The following FBN2 variants were observed in gnomAD, a reference collection of about 807,000 sequenced individuals.
FBN2 encodes fibrillin-2.
A neutral mutation model predicts 355.6 loss-of-function variants in FBN2; 105 were observed. The observed-to-expected ratio is 0.30, with a 90% CI of 0.25 to 0.35. FBN2 has a LOEUF of 0.35. FBN2 is among the 10% of genes least tolerant of loss of function. The probability of loss-of-function intolerance (pLI) is 1.00; values close to 1 mark genes in which losing one functional copy is unlikely to be tolerated. For missense variants in FBN2, 3,280 were observed against 3,758.7 expected (o/e 0.87, Z 3.33); for synonymous variants, 1,350 against 1,301.2 (o/e 1.04, Z -0.81).
At chr5:128,322,930 G>A (rs1342799240) in intron 34 of FBN2, among the ~76,000 whole-genome samples, 15 of 152,100 alleles carry the variant, frequency 9.9e-5, no homozygotes, top group East Asian at 5.8e-4. Context: ...ATTTGTTTGC[G>A]TCCTCTCTTA....
In FBN2 at chr5:128,374,657, G is replaced by T. The variant is rs781745158; in HGVS notation, c.2066C>A (p.Ala689Asp). Residue 689 changes from alanine (A) to aspartate (D), a missense_variant, in exon 15 of 65, where the codon GCT (alanine) becomes GAT (aspartate). By Grantham distance (126) the Ala-to-Asp change is moderately radical (BLOSUM62 -2). Coordinates refer to ENST00000262464, the MANE Select transcript of FBN2 (RefSeq NM_001999.4). ...SFRCDCPPGL[A>D]VGMDGRVCVD... ...ACACACACGTCCATCCATGCCCACA[G>T]CCAGGCCTGGGGGACAGTCACAGCG... The T allele has an allele frequency of 1.9e-6, 3 of 1,613,962 alleles. No individual in the cohort carries two copies. Among genetic ancestry groups the T allele is most frequent in the Non-Finnish European group, 2.5e-6 (3 of 1,179,908 alleles).
At chr5:128,514,198 G>C (rs1475373021) in intron 5 of FBN2, among the ~76,000 whole-genome samples, 1 of 152,106 alleles carries the variant, frequency 6.6e-6, no homozygotes, top group East Asian at 1.9e-4. Flanking sequence ...TAGGGTAATT[G>C]GTCATGAATT....
chr5:128,273,256 A>G (rs1765309236), intron 61 of FBN2, among the ~76,000 whole-genome samples: 1 of 152,232 alleles, frequency 6.6e-6, no homozygotes. Context: ...AAATTTTCTT[A>G]ACTGCAAGCA....
chr5:128,474,778 T>C (rs562822323), intron 5 of FBN2, among the ~76,000 whole-genome samples: 8 of 152,336 alleles, frequency 5.3e-5, no homozygotes, highest in Non-Finnish European at 8.8e-5. Context: ...CTCTCTATGA[T>C]TCTGTCCTGG....
rs1303630655 is a variant in FBN2 at position 128,464,736 on chromosome 5, C to T, written c.814G>A (p.Gly272Arg). ...RRGFIPNIRTGACQDVDECQA... is the reference protein window; with the variant it reads ...RRGFIPNIRTRACQDVDECQA... ...ACAGCTGACTCACCTTGGCAAGCTC[C>T]AGTGCGGATGTTGGGGATGAAACCC... The change falls in exon 6 of 65, where the codon GGA becomes AGA. Residue 272 changes from glycine (G) to arginine (R), a missense_variant. Transcript: ENST00000262464. 6.2e-7 allele frequency: 1 copy of T among 1,613,526 alleles called. No individual in the cohort carries two copies. The highest frequency in any genetic ancestry group is 2.2e-5 in the East Asian group (1 of 44,880).
chr5:128,364,996 G>C, intron 17 of FBN2, among the ~76,000 whole-genome samples: 1 of 152,138 alleles, frequency 6.6e-6, no homozygotes, highest in East Asian at 1.9e-4. Flanking sequence ...CAGCATTTAT[G>C]ATGACATTAA....
At position 128,341,480 on chromosome 5, in the gene FBN2, C is replaced by T. The variant is rs145041885; in HGVS notation, c.3344-2419G>A. ...GAAAGAAGGACTTACTCCCCCTCCC[C>T]GTCAGCTATTGGTAGTGTCGCTGGC... On this transcript the variant is annotated intron_variant, in intron 25 of 64. Transcript: ENST00000262464. Among the ~76,000 whole-genome samples the T allele has an allele frequency of 1.6e-3, 239 of 152,288 alleles. 1 individual carries two copies. Among genetic ancestry groups the T allele is most frequent in the Middle Eastern group, 6.8e-3 (2 of 294 alleles).
At position 128,284,116 on chromosome 5, in the gene FBN2, T is replaced by G. The variant is rs139357132; in HGVS notation, c.7012+2602A>C. Among the ~76,000 whole-genome samples the G allele has an allele frequency of 4.0e-3, 610 of 152,310 alleles. 5 individuals are homozygous for G. Among genetic ancestry groups the G allele is most frequent in the African/African-American group, 0.014 (581 of 41,566 alleles). ...CCATTACCTATAAGGCAGCCAGATA[T>G]CTTTAAAAATGTGTAAAATAGGAAA... On this transcript the variant is annotated intron_variant, in intron 55 of 64. Coordinates refer to ENST00000262464, the MANE Select transcript of FBN2 (RefSeq NM_001999.4).
At chr5:128,510,998 T>C (rs540028130) in intron 5 of FBN2, among the ~76,000 whole-genome samples, 2 of 152,220 alleles carry the variant, frequency 1.3e-5, no homozygotes, top group African/African-American at 2.4e-5. Flanking sequence ...TTCATGGTGT[T>C]ATGTTAAAAA....
intron 62 of FBN2, 145 bp downstream of exon 62, chr5:128,271,854 T>C (rs1020722335): frequency 3.3e-6 from 3 of 909,418 alleles, no homozygotes; most frequent in Non-Finnish European, 3.6e-6. Context: ...GCAGAATGAG[T>C]CCCCATGCAT....
intron 11 of FBN2, among the ~76,000 whole-genome samples, chr5:128,380,602 T>C (rs1439862981): frequency 6.6e-6 from 1 of 152,134 alleles, no homozygotes; most frequent in Non-Finnish European, 1.5e-5. Context: ...ACAGAGAAGA[T>C]GTAATCGTTC....
chr5:128,485,864 C>G (rs1353603072), intron 5 of FBN2, among the ~76,000 whole-genome samples: 1 of 152,048 alleles, frequency 6.6e-6, no homozygotes, highest in African/African-American at 2.4e-5. Flanking sequence ...CTTGAAGTGG[C>G]CTTTATTATA....
At chr5:128,522,212 C>G (rs1756450470) in intron 4 of FBN2, among the ~76,000 whole-genome samples, 1 of 152,108 alleles carries the variant, frequency 6.6e-6, no homozygotes, top group South Asian at 2.1e-4. Flanking sequence ...AGTGGGTTCC[C>G]CCAGGACAAG....
intron 7 of FBN2, among the ~76,000 whole-genome samples, chr5:128,442,886 G>A (rs1360120586): frequency 3.3e-5 from 5 of 152,094 alleles, no homozygotes; most frequent in Admixed American, 6.6e-5. Flanking sequence ...AAAAAGAGTC[G>A]CAGGAGAATC....
At chr5:128,442,846 C>T (rs752277601) in intron 7 of FBN2, among the ~76,000 whole-genome samples, 1 of 151,984 alleles carries the variant, frequency 6.6e-6, no homozygotes, top group Non-Finnish European at 1.5e-5. Context: ...TTACAGCTTA[C>T]CTAGTTGTCT....
Position 128,486,725 on chromosome 5 carries a change from A to G in FBN2, c.629-21804T>C, listed in dbSNP as rs188569643. ...GCCATGTTGGTTTGCTGCACCCATT[A>G]ACTCGCCGTTTACATTAGGTATTTC... On this transcript the variant is annotated intron_variant, in intron 5 of 64. Transcript: ENST00000262464. Among the ~76,000 whole-genome samples the G allele has an allele frequency of 9.9e-4, 150 of 152,100 alleles. 4 individuals carry two copies. The East Asian group carries it at 0.026, about 26-fold the overall frequency.
rs79738456 is a variant in FBN2, at chr5:128,337,509, C to A, written c.3598+488G>T. On this transcript the variant is annotated intron_variant, in intron 27 of 64. Transcript: ENST00000262464. ...AGACCAGTCATTAGTCTTCTCATAT[C>A]CTTTCTGGCAGCCCTACAGAGCTCA... 5.0e-3 allele frequency among the ~76,000 whole-genome samples: 755 copies of A among 152,316 alleles called. 8 individuals carry two copies. The highest frequency in any genetic ancestry group is 0.018 in the African/African-American group (731 of 41,558).
chr5:128,456,871 A>C (rs775669933), intron 6 of FBN2, among the ~76,000 whole-genome samples: 5 of 152,030 alleles, frequency 3.3e-5, no homozygotes, highest in Non-Finnish European at 7.4e-5. Flanking sequence ...AATCCTAAAA[A>C]CACAAAAGGC....
Position 128,537,936 on chromosome 5 carries a change from A to C in FBN2, c.-333T>G. 1 of 397,160 alleles carries C rather than the reference A, an allele frequency of 2.5e-6. No individual in the cohort carries two copies. Among genetic ancestry groups the C allele is most frequent in the South Asian group, 5.1e-5 (1 of 19,520 alleles). The allele number at this position is 397,160 out of a possible 1,614,324, so 24.6% of individuals were successfully genotyped here. ...GTCAGCGGGCGGGGGAGGAAATTACAAAAGCCCTGGCGTAAAATTTCAAAA... is the reference window on the plus strand; with the variant it reads ...GTCAGCGGGCGGGGGAGGAAATTACCAAAGCCCTGGCGTAAAATTTCAAAA... On this transcript the variant is annotated 5_prime_UTR_variant, in exon 1 of 65. Coordinates refer to ENST00000262464, the MANE Select transcript of FBN2 (RefSeq NM_001999.4).
Sources: allele counts gnomAD v4.1 joint callset (sites outside exome capture counted in the v4.1 genomes callset), GRCh38; gene constraint gnomAD v4.1.1; transcripts MANE v1.5; gene names NCBI Gene and HGNC (gene_info 2026-07-23, HGNC 2026-07-21).